Variants in DIS3L2 observed in about 807,000 individuals in gnomAD.
DIS3L2 encodes the protein DIS3 like 3'-5' exoribonuclease 2, also known as DIS3-like exonuclease 2.
Under a neutral mutation model 97.5 loss-of-function variants are expected in DIS3L2, and 34 were observed. The observed-to-expected ratio is 0.35, with a 90% CI of 0.27 to 0.46. The LOEUF is 0.46. Ranked by LOEUF, DIS3L2 falls within the 20% of genes least tolerant of loss-of-function variation. DIS3L2 has a pLI of 1.00. For missense variants in DIS3L2, 1,038 were observed against 1,146.0 expected (o/e 0.91, Z 1.36); for synonymous variants, 435 against 445.2 (o/e 0.98, Z 0.29).
At chr2:232,232,344 G>A (rs1213068312) in intron 10 of DIS3L2, among the ~76,000 whole-genome samples, 4 of 151,544 alleles carry the variant, frequency 2.6e-5, no homozygotes, top group Non-Finnish European at 5.9e-5. Flanking sequence ...AGGCAGATTT[G>A]TGTTTGGAAA....
intron 13 of DIS3L2, among the ~76,000 whole-genome samples, chr2:232,280,783 CAAT>C (rs1011633118): frequency 2.0e-5 from 3 of 152,154 alleles, no homozygotes; most frequent in Non-Finnish European, 4.4e-5. Context: ...CAGAAAACAA[CAAT>C]GATAATTGGC....
At chr2:232,112,782 T>C (rs1053163015) in intron 6 of DIS3L2, among the ~76,000 whole-genome samples, 2 of 151,758 alleles carry the variant, frequency 1.3e-5, no homozygotes, top group African/African-American at 2.4e-5. Context: ...GGAGGGACCA[T>C]TCAGAGAGGA....
chr2:232,228,962 A>T (rs1692719401), intron 10 of DIS3L2, among the ~76,000 whole-genome samples: 1 of 152,210 alleles, frequency 6.6e-6, no homozygotes, highest in African/African-American at 2.4e-5. Flanking sequence ...TTGAAAACTG[A>T]AAACATTACA....
intron 1 of DIS3L2, among the ~76,000 whole-genome samples, chr2:232,008,308 GT>G (rs2106212495): frequency 6.6e-6 from 1 of 151,764 alleles, no homozygotes; most frequent in East Asian, 1.9e-4. Context: ...GATTACAGGT[GT>G]GAGCCACCAC....
chr2:232,020,308 C>T (rs1167720355), intron 3 of DIS3L2, among the ~76,000 whole-genome samples: 1 of 152,078 alleles, frequency 6.6e-6, no homozygotes, highest in Non-Finnish European at 1.5e-5. Context: ...AGAGTGGAAG[C>T]TGAGAGGCCA....
chr2:232,295,043 T>G (rs55971921), intron 13 of DIS3L2, among the ~76,000 whole-genome samples: 1 of 152,162 alleles, frequency 6.6e-6, no homozygotes, highest in East Asian at 1.9e-4. Flanking sequence ...TCTTCCCTCA[T>G]ACCTTCCTGG....
In DIS3L2 at chr2:232,329,823, G is replaced by GC; in HGVS notation, c.1750_1751insC (p.Glu584AlafsTer37). ...ACCCACCCTCTGCAGGCTCGTGGAG[G>GC]AGTTCATGCTCTTGGCCAACATGGC... On this transcript the variant is annotated frameshift_variant, in exon 15 of 21. Coordinates refer to ENST00000325385, the MANE Select transcript of DIS3L2 (RefSeq NM_152383.5). LOFTEE classifies it high-confidence loss of function. 1 of 1,526,308 alleles carries GC rather than the reference G, an allele frequency of 6.6e-7. No individual in the cohort carries two copies. Among genetic ancestry groups the GC allele is most frequent in the South Asian group, 1.2e-5 (1 of 80,260 alleles). 94.5% of individuals were successfully genotyped at this position (1,526,308 alleles called of 1,614,324 possible).
intron 1 of DIS3L2, among the ~76,000 whole-genome samples, chr2:231,979,541 G>A (rs1188265025): frequency 1.3e-5 from 2 of 151,850 alleles, no homozygotes; most frequent in Non-Finnish European, 2.9e-5. Context: ...AGGCCTGAAG[G>A]TTATTTATTT....
chr2:232,141,625 A>C (rs1324386811), intron 8 of DIS3L2, among the ~76,000 whole-genome samples: 1 of 152,174 alleles, frequency 6.6e-6, no homozygotes, highest in African/African-American at 2.4e-5. Flanking sequence ...GAAGGACAGC[A>C]GGTTCCATTG....
At chr2:232,017,132 C>T (rs913844041) in intron 3 of DIS3L2, among the ~76,000 whole-genome samples, 3 of 152,052 alleles carry the variant, frequency 2.0e-5, no homozygotes, top group Non-Finnish European at 4.4e-5. Context: ...CTCTGTTGCC[C>T]AGGCTGGAGT....
chr2:232,044,990 C>G (rs1436288514), intron 5 of DIS3L2, among the ~76,000 whole-genome samples: 2 of 152,052 alleles, frequency 1.3e-5, no homozygotes, highest in African/African-American at 2.4e-5. Flanking sequence ...CTTAATTCTC[C>G]TGGGAACTCA....
downstream of DIS3L2, among the ~76,000 whole-genome samples, chr2:232,341,755 A>G (rs1696105704): frequency 1.3e-5 from 2 of 152,148 alleles, no homozygotes; most frequent in Admixed American, 1.3e-4. Context: ...AATATGGCAG[A>G]AGGGACACTG....
chr2:232,342,597 C>G (rs1326369977), intron 13 of DIS3L2, among the ~76,000 whole-genome samples: 3 of 152,224 alleles, frequency 2.0e-5, no homozygotes, highest in Non-Finnish European at 4.4e-5. Context: ...CTTGTACATT[C>G]AGCATAGGGT....
At chr2:232,094,718 C>CAAAAA (rs59253625) in intron 6 of DIS3L2, among the ~76,000 whole-genome samples, 1 of 111,468 alleles carries the variant, frequency 9.0e-6, no homozygotes, top group African/African-American at 3.5e-5. Context: ...GACTCCATCT[C>CAAAAA]AAAAAAAAAA....
chr2:231,967,978 A>T (rs1467078084), intron 1 of DIS3L2, among the ~76,000 whole-genome samples: 2 of 152,142 alleles, frequency 1.3e-5, no homozygotes, highest in Non-Finnish European at 2.9e-5. Context: ...CAGTTTGTTA[A>T]GTTTTGACAT....
In DIS3L2 at chr2:232,042,495, C is replaced by G. The variant is rs552741629; in HGVS notation, c.366+12415C>G. 3.9e-5 allele frequency among the ~76,000 whole-genome samples: 6 copies of G among 152,250 alleles called. No individual in the cohort carries two copies. The South Asian group carries it at 1.2e-3, about 32-fold the overall frequency. On this transcript the variant is annotated intron_variant, in intron 5 of 20. Transcript: ENST00000325385. ...TGGAAGGTACTCAGTGATGGGAGGG[C>G]AAGATCTTCGGAGCCTCCATCAAGA...
intron 5 of DIS3L2, among the ~76,000 whole-genome samples, chr2:232,042,014 A>T (rs978862485): frequency 1.3e-5 from 2 of 152,202 alleles, no homozygotes; most frequent in Non-Finnish European, 2.9e-5. Flanking sequence ...TCTATACATG[A>T]TTTAAGGAAG....
intron 14 of DIS3L2, among the ~76,000 whole-genome samples, chr2:232,316,297 G>A (rs1378886306): frequency 6.6e-6 from 1 of 152,244 alleles, no homozygotes; most frequent in African/African-American, 2.4e-5. Flanking sequence ...CCAAAACCTT[G>A]TTCCTTACGA....
At chr2:232,315,442 CT>C (rs1473543195) in intron 14 of DIS3L2, among the ~76,000 whole-genome samples, 1 of 152,182 alleles carries the variant, frequency 6.6e-6, no homozygotes, top group African/African-American at 2.4e-5. Flanking sequence ...TTGTCATCTT[CT>C]GTGGCTGCCT....
Sources: allele counts gnomAD v4.1 joint callset (sites outside exome capture counted in the v4.1 genomes callset), GRCh38; gene constraint gnomAD v4.1.1; transcripts MANE v1.5; gene names NCBI Gene and HGNC (gene_info 2026-07-23, HGNC 2026-07-21).